Variants in CSMD1 observed in about 807,000 individuals in gnomAD.
CSMD1 encodes the protein CUB and Sushi multiple domains 1.
Under a neutral mutation model 417.5 loss-of-function variants are expected in CSMD1, and 213 were observed. The observed-to-expected ratio is 0.51, with a 90% CI of 0.46 to 0.57. The LOEUF (loss-of-function observed/expected upper bound fraction) is 0.57, where lower values mean the gene tolerates loss of function less well. Ranked by LOEUF, CSMD1 falls within the 20% of genes least tolerant of loss-of-function variation. The probability of loss-of-function intolerance (pLI) is 0.00; values close to 1 mark genes in which losing one functional copy is unlikely to be tolerated. For missense variants in CSMD1, 6,923 were observed against 4,529.7 expected (o/e 1.53, Z -15.17); for synonymous variants, 2,862 against 1,736.8 (o/e 1.65, Z -16.11).
intron 49 of CSMD1, among the ~76,000 whole-genome samples, chr8:3,078,285 C>G (rs946478823): frequency 2.0e-5 from 3 of 152,132 alleles, no homozygotes; most frequent in Admixed American, 6.5e-5. Flanking sequence ...TACAATACTG[C>G]TTTTATTATT....
At chr8:4,152,547 A>T (rs1473362116) in intron 3 of CSMD1, among the ~76,000 whole-genome samples, 1 of 150,558 alleles carries the variant, frequency 6.6e-6, no homozygotes, top group Non-Finnish European at 1.5e-5. Context: ...AAAATTAGCT[A>T]GTCATGGTGG....
At chr8:4,440,353 A>G (rs1027226296) in intron 2 of CSMD1, among the ~76,000 whole-genome samples, 5 of 152,200 alleles carry the variant, frequency 3.3e-5, no homozygotes, top group African/African-American at 1.2e-4. Context: ...AAATCATTAC[A>G]TATTTATGCA....
intron 10 of CSMD1, among the ~76,000 whole-genome samples, chr8:3,513,068 G>A (rs1001925126): frequency 2.0e-5 from 3 of 151,900 alleles, no homozygotes; most frequent in Non-Finnish European, 4.4e-5. Flanking sequence ...ACGGATAGCT[G>A]TGTTTTCATG....
At chr8:3,824,819 T>G (rs554856862) in intron 5 of CSMD1, among the ~76,000 whole-genome samples, 83 of 152,064 alleles carry the variant, frequency 5.5e-4, no homozygotes, top group African/African-American at 1.9e-3. Flanking sequence ...GATGAGCAAA[T>G]TGAAAAAAGG....
intron 3 of CSMD1, among the ~76,000 whole-genome samples, chr8:4,202,564 A>G (rs1157218779): frequency 6.6e-6 from 1 of 152,138 alleles, no homozygotes; most frequent in Non-Finnish European, 1.5e-5. Context: ...TCGACAAATT[A>G]CTCCTGTATT....
rs184633017 is a variant in CSMD1 at position 4,585,807 on chromosome 8, G to A, written c.302+51535C>T. ...AGACATTTTAAGTTAAATTAAATCT[G>A]AGTAAATACTCTTTAGTCCTTTTCA... On this transcript the variant is annotated intron_variant, in intron 2 of 69. Coordinates refer to ENST00000635120, the MANE Select transcript of CSMD1 (RefSeq NM_033225.6). Among the ~76,000 whole-genome samples, 142 of 152,206 alleles carry A rather than the reference G, an allele frequency of 9.3e-4. 1 individual carries two copies. Among genetic ancestry groups the A allele is most frequent in the African/African-American group, 3.4e-3 (140 of 41,548 alleles).
intron 25 of CSMD1, among the ~76,000 whole-genome samples, chr8:3,284,965 C>T (rs1803037840): frequency 6.6e-6 from 1 of 152,144 alleles, no homozygotes; most frequent in Non-Finnish European, 1.5e-5. Context: ...TTCTATTAGA[C>T]TTCCAGGTAT....
intron 1 of CSMD1, among the ~76,000 whole-genome samples, chr8:4,655,453 C>T (rs1329347655): frequency 6.6e-6 from 1 of 152,062 alleles, no homozygotes; most frequent in Non-Finnish European, 1.5e-5. Context: ...AAGTTACAGA[C>T]ATGGATTCTG....
chr8:3,391,158 G>C (rs1177484365), intron 17 of CSMD1, among the ~76,000 whole-genome samples: 1 of 132,158 alleles, frequency 7.6e-6, no homozygotes, highest in Non-Finnish European at 1.6e-5. Context: ...CATATAAAAA[G>C]TCACCGAATC....
At chr8:4,891,588 T>G (rs1185831217) in intron 1 of CSMD1, among the ~76,000 whole-genome samples, 1 of 152,164 alleles carries the variant, frequency 6.6e-6, no homozygotes, top group Non-Finnish European at 1.5e-5. Flanking sequence ...TTCATCTCTT[T>G]TAGGAAATGT....
Position 3,070,803 on chromosome 8 carries a change from A to G in CSMD1, c.7474+16294T>C, listed in dbSNP as rs555981280. Among the ~76,000 whole-genome samples the G allele has an allele frequency of 7.2e-5, 11 of 152,316 alleles. No homozygotes were observed. In the South Asian group the frequency reaches 2.3e-3, roughly 32 times the overall value. ...GTTCCAAAGCTGCTTCAACATTTCC[A>G]GGTATCTTTATAGCAATGTCCCACT... On this transcript the variant is annotated intron_variant, in intron 49 of 69. Transcript: ENST00000635120.
intron 37 of CSMD1, among the ~76,000 whole-genome samples, chr8:3,163,849 C>T (rs547410682): frequency 6.6e-6 from 1 of 152,240 alleles, no homozygotes; most frequent in South Asian, 2.1e-4. Flanking sequence ...CCCTCATAGC[C>T]AGGCTCCTTG....
chr8:3,843,373 G>C (rs1006982231), intron 5 of CSMD1, among the ~76,000 whole-genome samples: 1 of 152,108 alleles, frequency 6.6e-6, no homozygotes, highest in African/African-American at 2.4e-5. Context: ...TGTGCTTACA[G>C]TATGTAATTA....
chr8:3,306,201 C>T (rs4875184), intron 25 of CSMD1, among the ~76,000 whole-genome samples: 1 of 152,172 alleles, frequency 6.6e-6, no homozygotes, highest in Non-Finnish European at 1.5e-5. Flanking sequence ...GTGTAATACA[C>T]ATTACTAAGC....
intron 12 of CSMD1, among the ~76,000 whole-genome samples, chr8:3,433,339 T>C (rs2117029133): frequency 6.6e-6 from 1 of 152,330 alleles, no homozygotes; most frequent in Admixed American, 6.5e-5. Context: ...GCCTGACTGT[T>C]TTTCTGCAAA....
At chr8:3,805,152 C>T (rs1800658881) in intron 5 of CSMD1, among the ~76,000 whole-genome samples, 1 of 152,146 alleles carries the variant, frequency 6.6e-6, no homozygotes, top group Non-Finnish European at 1.5e-5. Flanking sequence ...AGGACAGCAG[C>T]ATCCCATTCA....
intron 1 of CSMD1, among the ~76,000 whole-genome samples, chr8:4,679,512 C>A (rs902762327): frequency 6.6e-6 from 1 of 152,174 alleles, no homozygotes; most frequent in Non-Finnish European, 1.5e-5. Context: ...GTCTAGACTT[C>A]GCTTCTGGCA....
At chr8:4,212,808 C>G (rs1450282541) in intron 3 of CSMD1, among the ~76,000 whole-genome samples, 1 of 140,210 alleles carries the variant, frequency 7.1e-6, no homozygotes, top group Non-Finnish European at 1.5e-5. Flanking sequence ...TTGCTTTTAC[C>G]AGCCAGTTCA....
chr8:3,285,906 A>T (rs190552620), intron 25 of CSMD1, among the ~76,000 whole-genome samples: 301 of 152,160 alleles, frequency 2.0e-3, no homozygotes, highest in South Asian at 8.9e-3. Context: ...ATGTGTATAC[A>T]TGTGCCATGT....
Sources: allele counts gnomAD v4.1 joint callset (sites outside exome capture counted in the v4.1 genomes callset), GRCh38; gene constraint gnomAD v4.1.1; transcripts MANE v1.5; gene names NCBI Gene and HGNC (gene_info 2026-07-23, HGNC 2026-07-21).